Variants in EFNA5 observed in about 807,000 individuals in gnomAD.
EFNA5 encodes the protein ephrin A5, also known as ephrin-A5.
A neutral mutation model predicts 22.9 loss-of-function variants in EFNA5; 5 were observed. That is an observed-to-expected ratio of 0.22 (90% CI 0.11 to 0.46). The LOEUF (loss-of-function observed/expected upper bound fraction) is 0.46, where lower values mean the gene tolerates loss of function less well. Among genes scored for constraint, EFNA5 ranks in the 20% least tolerant of loss-of-function variants. The pLI is 0.99. For synonymous variants in EFNA5, 113 were observed against 112.2 expected (o/e 1.01, Z -0.04); for missense variants, 237 against 293.3 (o/e 0.81, Z 1.40).
At chr5:107,417,648 T>C (rs925751020) in intron 2 of EFNA5, among the ~76,000 whole-genome samples, 10 of 152,074 alleles carry the variant, frequency 6.6e-5, no homozygotes, top group African/African-American at 2.2e-4. Flanking sequence ...AAATCTCAAG[T>C]TTTGAGAATT....
intron 1 of EFNA5, among the ~76,000 whole-genome samples, chr5:107,470,630 A>G (rs1244275977): frequency 1.3e-5 from 2 of 152,222 alleles, no homozygotes; most frequent in African/African-American, 4.8e-5. Context: ...TCAATTCTCA[A>G]TTTCGGCACT....
intron 1 of EFNA5, among the ~76,000 whole-genome samples, chr5:107,463,913 C>A (rs946792506): frequency 6.6e-6 from 1 of 152,076 alleles, no homozygotes; most frequent in Admixed American, 6.6e-5. Context: ...AAGTACCTAA[C>A]TGGGAAAATG....
intron 1 of EFNA5, among the ~76,000 whole-genome samples, chr5:107,632,324 T>A (rs1468737428): frequency 6.6e-6 from 1 of 152,092 alleles, no homozygotes; most frequent in African/African-American, 2.4e-5. Context: ...ATTGCATCCA[T>A]CCACAAAAAC....
At chr5:107,477,913 C>CA (rs1750355340) in intron 1 of EFNA5, among the ~76,000 whole-genome samples, 1 of 152,106 alleles carries the variant, frequency 6.6e-6, no homozygotes, top group South Asian at 2.1e-4. Context: ...CTCACTTTAA[C>CA]AAGCTATCAA....
intron 1 of EFNA5, among the ~76,000 whole-genome samples, chr5:107,613,416 T>C (rs1749859976): frequency 2.0e-5 from 3 of 152,114 alleles, no homozygotes; most frequent in Admixed American, 1.3e-4. Flanking sequence ...CAAGATGTTT[T>C]AAGTATCCTA....
intron 1 of EFNA5, among the ~76,000 whole-genome samples, chr5:107,527,362 CTG>C (rs1238922373): frequency 2.0e-5 from 3 of 151,454 alleles, no homozygotes; most frequent in Non-Finnish European, 4.4e-5. Context: ...TCTCGGCTCA[CTG>C]CAACATCTGC....
At chr5:107,459,787 T>G (rs1029972558) in intron 1 of EFNA5, among the ~76,000 whole-genome samples, 1 of 152,110 alleles carries the variant, frequency 6.6e-6, no homozygotes, top group Admixed American at 6.6e-5. Context: ...ACTGTCTCAG[T>G]GGGGCAGCAC....
intron 1 of EFNA5, among the ~76,000 whole-genome samples, chr5:107,506,878 G>A (rs1747265298): frequency 6.6e-6 from 1 of 152,128 alleles, no homozygotes; most frequent in Non-Finnish European, 1.5e-5. Flanking sequence ...TCTCCAAGAA[G>A]CAAACTGTTA....
At chr5:107,640,249 T>C (rs922123329) in intron 1 of EFNA5, among the ~76,000 whole-genome samples, 1 of 152,130 alleles carries the variant, frequency 6.6e-6, no homozygotes, top group Non-Finnish European at 1.5e-5. Context: ...GATGATAATA[T>C]ATGCAGCCCT....
intron 2 of EFNA5, among the ~76,000 whole-genome samples, chr5:107,411,103 TAGATAA>T (rs1401878297): frequency 2.0e-5 from 3 of 152,168 alleles, no homozygotes; most frequent in African/African-American, 7.2e-5. Flanking sequence ...ATAAGAGTAC[TAGATAA>T]AGATAAAATA....
In EFNA5 at chr5:107,564,631, G is replaced by GTTT. The variant is rs34585445; in HGVS notation, c.125+105855_125+105857dup. Among the ~76,000 whole-genome samples, 308 of 115,000 alleles carry GTTT rather than the reference G, an allele frequency of 2.7e-3. 3 individuals are homozygous for GTTT. The highest frequency in any genetic ancestry group is 9.3e-3 in the African/African-American group (284 of 30,394). The allele number at this position is 115,000 out of a possible 152,430, so 75.4% of individuals were successfully genotyped here. A position where few individuals can be genotyped will look rare whatever the true frequency, so the allele number is the denominator to read the frequency against. ...TTATTTTGTTTTTGTTTGGGTTTTTGTTTTTTTTTTTTTTTTTTTTGATCC... is the reference window on the plus strand; with the variant it reads ...TTATTTTGTTTTTGTTTGGGTTTTTGTTTTTTTTTTTTTTTTTTTTTTTGATCC... On this transcript the variant is annotated intron_variant, in intron 1 of 4. Coordinates refer to ENST00000333274, the MANE Select transcript of EFNA5 (RefSeq NM_001962.3).
At position 107,387,268 on chromosome 5, in the gene EFNA5, T is replaced by C. The variant is rs767566280; in HGVS notation, c.532A>G (p.Asn178Asp). The change falls in exon 4 of 5, where the codon AAC becomes GAC. Residue 178 changes from asparagine to aspartate, a missense_variant. Asn to Asp is a conservative substitution (Grantham distance 23). Around this residue, in one of 3 missense-constraint regions of EFNA5, gnomAD observed 104 missense variants for 114.5 expected, o/e 0.91. Transcript: ENST00000333274. ...IGVHDRVFDVNDKVENSLEPA... is the reference protein window; with the variant it reads ...IGVHDRVFDVDDKVENSLEPA... ...TCTAATGAATTTTCTACTTTGTCGT[T>C]AACATCGAAAACACGATCATGAACA... 1.4e-5 allele frequency: 22 copies of C among 1,605,936 alleles called. No individual in the cohort carries two copies. The highest frequency in any genetic ancestry group is 2.2e-5 in the East Asian group (1 of 44,692).
intron 1 of EFNA5, among the ~76,000 whole-genome samples, chr5:107,628,243 C>T (rs924114895): frequency 6.6e-6 from 1 of 152,046 alleles, no homozygotes; most frequent in African/African-American, 2.4e-5. Context: ...CTAAAATAAG[C>T]CAGTTATGTC....
intron 1 of EFNA5, among the ~76,000 whole-genome samples, chr5:107,467,978 T>C (rs1423486948): frequency 1.3e-5 from 2 of 152,218 alleles, no homozygotes; most frequent in African/African-American, 2.4e-5. Flanking sequence ...ATGAAACATT[T>C]ACAGCCAAAC....
chr5:107,434,210 A>C (rs1209354761), intron 1 of EFNA5, among the ~76,000 whole-genome samples: 1 of 152,168 alleles, frequency 6.6e-6, no homozygotes, highest in Non-Finnish European at 1.5e-5. Context: ...TCTCAAGTGT[A>C]AGTTCTCAAC....
intron 1 of EFNA5, among the ~76,000 whole-genome samples, chr5:107,611,367 C>G (rs1253885586): frequency 2.6e-5 from 4 of 152,128 alleles, no homozygotes; most frequent in Admixed American, 2.0e-4. Flanking sequence ...CAGCATACAC[C>G]TTTTTGCTAT....
rs146068105 is a variant in EFNA5 at position 107,572,721 on chromosome 5, C to T, written c.125+97768G>A. 5.3e-5 allele frequency among the ~76,000 whole-genome samples: 8 copies of T among 152,296 alleles called. No individual in the cohort carries two copies. In the East Asian group the frequency reaches 1.2e-3, roughly 22 times the overall value. ...AATACTAAAATCAGTTTTGCACTTCCATTGTTTTTTTACACATGTCTTCAC... is the reference window on the plus strand; with the variant it reads ...AATACTAAAATCAGTTTTGCACTTCTATTGTTTTTTTACACATGTCTTCAC... On this transcript the variant is annotated intron_variant, in intron 1 of 4. Coordinates refer to ENST00000333274, the MANE Select transcript of EFNA5 (RefSeq NM_001962.3).
chr5:107,633,175 A>G lies in EFNA5; in HGVS notation c.125+37314T>C, dbSNP rs566539715. Among the ~76,000 whole-genome samples, 10 of 152,284 alleles carry G rather than the reference A, an allele frequency of 6.6e-5. 2 individuals are homozygous for G. Among genetic ancestry groups the G allele is most frequent in the African/African-American group, 2.4e-4 (10 of 41,554 alleles). Reference sequence around the variant, plus strand: ...TATTTGTGAGTCATTTGTTATCCTTAATACCAATGGGGTCAAGACTCATGG... The same window carrying G: ...TATTTGTGAGTCATTTGTTATCCTTGATACCAATGGGGTCAAGACTCATGG... On this transcript the variant is annotated intron_variant, in intron 1 of 4. Transcript: ENST00000333274.
chr5:107,626,305 C>T (rs967870060), intron 1 of EFNA5, among the ~76,000 whole-genome samples: 4 of 152,024 alleles, frequency 2.6e-5, no homozygotes, highest in Admixed American at 6.6e-5. Flanking sequence ...CAAGTTCTTA[C>T]TCTGGCTCTA....
Sources: allele counts gnomAD v4.1 joint callset (sites outside exome capture counted in the v4.1 genomes callset), GRCh38; gene constraint gnomAD v4.1.1; regional missense constraint gnomAD v4.1.1; transcripts MANE v1.5; gene names NCBI Gene and HGNC (gene_info 2026-07-23, HGNC 2026-07-21).